FGF12: variants seen among roughly 807,000 people sequenced by gnomAD.
FGF12 encodes the protein fibroblast growth factor 12, also known as fibroblast growth factor 12B.
In FGF12, 14 loss-of-function variants were observed where a neutral mutation model predicts 23.6. That is an observed-to-expected ratio of 0.59 (90% confidence interval 0.39 to 0.93). The LOEUF (loss-of-function observed/expected upper bound fraction) is 0.93, where lower values mean the gene tolerates loss of function less well. Ranked by LOEUF, FGF12 falls within the 40% of genes least tolerant of loss-of-function variation. The pLI is 0.00. For synonymous variants in FGF12, 62 were observed against 77.3 expected, an observed-to-expected ratio of 0.80 and a Z score of 1.04; for missense variants, 175 against 217.8, an observed-to-expected ratio of 0.80 and a Z score of 1.24.
intron 2 of FGF12, among the ~76,000 whole-genome samples, chr3:192,628,114 G>C (rs1479901006): frequency 6.6e-6 from 1 of 151,972 alleles, no homozygotes; most frequent in Non-Finnish European, 1.5e-5. Context: ...AATAACCTTT[G>C]GTGACTGGCT....
At chr3:192,167,772 A>ATATT (rs1715302128) in intron 5 of FGF12, among the ~76,000 whole-genome samples, 12 of 15,392 alleles carry the variant, frequency 7.8e-4, no homozygotes, top group Admixed American at 2.4e-3. Flanking sequence ...TATATATAAA[A>ATATT]TTTTTTTTTT....
chr3:192,439,607 G>A (rs1490897904), intron 2 of FGF12, among the ~76,000 whole-genome samples: 2 of 152,206 alleles, frequency 1.3e-5, no homozygotes, highest in African/African-American at 2.4e-5. Context: ...CTAGTGGTGG[G>A]AGAGACAGGT....
chr3:192,439,204 C>A (rs539940974), intron 2 of FGF12, among the ~76,000 whole-genome samples: 6 of 152,330 alleles, frequency 3.9e-5, no homozygotes, highest in African/African-American at 1.4e-4. Flanking sequence ...ACTACAATGG[C>A]CCCTTCAGAA....
rs563655084 is a variant in FGF12, at chr3:192,209,287, T to A, written c.229-38631A>T. Among the ~76,000 whole-genome samples the A allele has an allele frequency of 1.2e-3, 176 of 152,250 alleles. 2 individuals are homozygous for A. The highest frequency in any genetic ancestry group is 4.0e-3 in the African/African-American group (167 of 41,566). On this transcript the variant is annotated intron_variant, in intron 4 of 5. Transcript: ENST00000445105. ...TGAAATGTGGATGTAATGGCTAGAA[T>A]TCCAGCAGCCATCTTGAATCAAGAG... is the stretch of plus-strand genomic sequence containing the variant.
chr3:192,239,771 T>C (rs1329323015), intron 4 of FGF12, among the ~76,000 whole-genome samples: 2 of 152,180 alleles, frequency 1.3e-5, no homozygotes, highest in Non-Finnish European at 2.9e-5. Context: ...AACCCCCAAC[T>C]AGTCTGTGGA....
At chr3:192,690,362 T>C (rs1717902876) in intron 2 of FGF12, among the ~76,000 whole-genome samples, 1 of 151,976 alleles carries the variant, frequency 6.6e-6, no homozygotes. Flanking sequence ...AACTTGTTAA[T>C]GGTGATATAC....
chr3:192,542,680 T>A (rs1270902525), intron 2 of FGF12, among the ~76,000 whole-genome samples: 1 of 152,102 alleles, frequency 6.6e-6, no homozygotes, highest in Non-Finnish European at 1.5e-5. Flanking sequence ...ACTTGGGTGT[T>A]GTGCTCTAAG....
rs140761873 is a variant in FGF12 at position 192,155,740 on chromosome 3, T to G, written c.428-11613A>C. On this transcript the variant is annotated intron_variant, in intron 5 of 5. Coordinates refer to ENST00000445105, the MANE Select transcript of FGF12 (RefSeq NM_004113.6). The stretch of plus-strand genomic sequence containing the variant: ...GTTCTGCTATTAATTTCTAATCACA[T>G]ACTATTAAGCATTTAGGGGAAACCT... Among the ~76,000 whole-genome samples, 1,141 of 152,322 alleles carry G rather than the reference T, an allele frequency of 7.5e-3. 6 individuals are homozygous for G. Among genetic ancestry groups the G allele is most frequent in the Non-Finnish European group, 0.012 (850 of 68,012 alleles).
chr3:192,195,890 T>C (rs77330105), intron 4 of FGF12, among the ~76,000 whole-genome samples: 32 of 152,292 alleles, frequency 2.1e-4, no homozygotes, highest in Non-Finnish European at 3.4e-4. Flanking sequence ...CCACTTTGCA[T>C]TTTTCAAGAG....
chr3:192,647,887 C>T (rs1369611149), intron 2 of FGF12, among the ~76,000 whole-genome samples: 1 of 151,630 alleles, frequency 6.6e-6, no homozygotes, highest in Non-Finnish European at 1.5e-5. Flanking sequence ...GAAAGCTGCT[C>T]AAGAATAGCA....
At chr3:192,703,844 G>A (rs554335041) in intron 2 of FGF12, among the ~76,000 whole-genome samples, 4 of 152,174 alleles carry the variant, frequency 2.6e-5, no homozygotes, top group Non-Finnish European at 4.4e-5. Flanking sequence ...TCCTCCTACA[G>A]GATTGCATGA....
chr3:192,266,923 G>C (rs1713114935), intron 4 of FGF12: 1 of 151,968 alleles, frequency 6.6e-6, no homozygotes, highest in Admixed American at 6.6e-5. Context: ...ATCTCAAAAA[G>C]CTCTTATTAA....
intron 2 of FGF12, among the ~76,000 whole-genome samples, chr3:192,444,598 C>T (rs569153784): frequency 1.3e-5 from 2 of 152,254 alleles, no homozygotes; most frequent in East Asian, 3.9e-4. Context: ...CAAGCCTATG[C>T]CATAATGCTG....
At chr3:192,407,312 A>G (rs547111847) in intron 2 of FGF12, among the ~76,000 whole-genome samples, 1 of 152,214 alleles carries the variant, frequency 6.6e-6, no homozygotes, top group Non-Finnish European at 1.5e-5. Flanking sequence ...ATGTCTCAAA[A>G]GTGTGAGTGT....
chr3:192,679,079 A>C (rs1349302555), intron 2 of FGF12, among the ~76,000 whole-genome samples: 2 of 152,190 alleles, frequency 1.3e-5, no homozygotes, highest in Admixed American at 1.3e-4. Flanking sequence ...TTTGGAGAAT[A>C]GGAAGTATTT....
chr3:192,155,180 G>T lies in FGF12; in HGVS notation c.428-11053C>A, dbSNP rs908190678. 9.1e-3 allele frequency among the ~76,000 whole-genome samples: 1,348 copies of T among 148,608 alleles called. 13 individuals carry two copies. Among genetic ancestry groups the T allele is most frequent in the African/African-American group, 0.031 (1,241 of 40,542 alleles). ...CCTCGCCCTGCTTCGGCTCGCGCAC[G>T]GTGCGCGCACCCACTGACCTGCGCC... is the stretch of plus-strand genomic sequence containing the variant. On this transcript the variant is annotated intron_variant, in intron 5 of 5. Coordinates refer to ENST00000445105, the MANE Select transcript of FGF12 (RefSeq NM_004113.6).
At chr3:192,532,766 A>G (rs1725123829) in intron 2 of FGF12, among the ~76,000 whole-genome samples, 1 of 152,216 alleles carries the variant, frequency 6.6e-6, no homozygotes, top group Admixed American at 6.5e-5. Flanking sequence ...ATTTTTAGCA[A>G]GAAACATGAA....
intron 2 of FGF12, among the ~76,000 whole-genome samples, chr3:192,589,730 C>T (rs961763574): frequency 4.6e-5 from 7 of 151,816 alleles, no homozygotes; most frequent in Admixed American, 3.3e-4. Context: ...TGACACTAAT[C>T]GAAGTAAGGT....
At chr3:192,322,566 T>C (rs1371989414) in intron 4 of FGF12, among the ~76,000 whole-genome samples, 4 of 151,610 alleles carry the variant, frequency 2.6e-5, no homozygotes, top group South Asian at 2.1e-4. Context: ...AATTAAAAAC[T>C]GAGAGAATCG....
Sources: gnomAD v4.1 joint callset for allele counts (sites outside exome capture counted in the v4.1 genomes callset) on GRCh38, gnomAD v4.1.1 for gene constraint, MANE v1.5 for transcripts, NCBI Gene and HGNC (gene_info 2026-07-23, HGNC 2026-07-21) for gene names.